Variants in ATF2 observed in about 807,000 individuals in gnomAD.
ATF2 encodes the protein activating transcription factor 2.
ATF2 carries 24 observed loss-of-function variants against 60.6 expected under a neutral mutation model. The observed-to-expected ratio is 0.40, with a 90% confidence interval of 0.29 to 0.56. ATF2 has a LOEUF of 0.56. ATF2 is among the 20% of genes least tolerant of loss of function. The pLI is 0.54. For synonymous variants in ATF2, 206 were observed against 215.4 expected, an observed-to-expected ratio of 0.96 and a Z score of 0.38; for missense variants, 433 against 607.7, an observed-to-expected ratio of 0.71 and a Z score of 3.02.
intron 8 of ATF2, chr2:175,114,446 T>C (rs1042199070): frequency 2.6e-5 from 32 of 1,249,332 alleles, no homozygotes; most frequent in South Asian, 1.3e-4. Flanking sequence ...TTGTGTGAAA[T>C]AGCATGAAAA....
intron 1 of ATF2, among the ~76,000 whole-genome samples, chr2:175,166,723 T>C (rs1183759964): frequency 6.6e-6 from 1 of 152,188 alleles, no homozygotes; most frequent in East Asian, 1.9e-4. Context: ...CGGCTGTTAC[T>C]CACAATGATA....
At chr2:175,108,375 T>C (rs1574386027) in intron 10 of ATF2, among the ~76,000 whole-genome samples, 1 of 133,910 alleles carries the variant, frequency 7.5e-6, no homozygotes, top group Non-Finnish European at 1.6e-5. Context: ...AGGTGGGGGG[T>C]CAGCGTCCAC....
At chr2:175,154,236 T>C (rs58508290) in intron 1 of ATF2, among the ~76,000 whole-genome samples, 1 of 121,746 alleles carries the variant, frequency 8.2e-6, no homozygotes, top group African/African-American at 3.4e-5. Flanking sequence ...AAAAAAAAAA[T>C]ATATATATAT....
intron 1 of ATF2, among the ~76,000 whole-genome samples, chr2:175,158,066 A>G (rs1016425773): frequency 6.6e-6 from 1 of 152,066 alleles, no homozygotes; most frequent in Non-Finnish European, 1.5e-5. Flanking sequence ...ACGAACACTC[A>G]GTACATTCAT....
intron 2 of ATF2, among the ~76,000 whole-genome samples, chr2:175,144,196 G>A (rs1338647063): frequency 2.6e-5 from 4 of 152,090 alleles, no homozygotes; most frequent in Non-Finnish European, 5.9e-5. Flanking sequence ...CGGGCACCTC[G>A]TCGTTAGGTT....
intron 1 of ATF2, among the ~76,000 whole-genome samples, chr2:175,157,456 T>A (rs574814850): frequency 2.6e-4 from 40 of 152,180 alleles, no homozygotes; most frequent in Non-Finnish European, 4.7e-4. Flanking sequence ...CATTGGAAAC[T>A]GAGGCCATCT....
chr2:175,150,552 A>G (rs1699243401), intron 2 of ATF2, among the ~76,000 whole-genome samples: 2 of 152,190 alleles, frequency 1.3e-5, no homozygotes, highest in Admixed American at 1.3e-4. Flanking sequence ...ATAACTTCCA[A>G]TTAACGTTTC....
At chr2:175,093,395 G>A (rs1002229720) in intron 11 of ATF2, 128 bp from the exon 12 acceptor site, 58 of 877,680 alleles carry the variant, frequency 6.6e-5, no homozygotes, top group African/African-American at 5.8e-4. Context: ...TCAGTATGTT[G>A]GGGCAATATG....
At chr2:175,152,420 G>A (rs1266622998) in intron 1 of ATF2, among the ~76,000 whole-genome samples, 1 of 152,136 alleles carries the variant, frequency 6.6e-6, no homozygotes, top group African/African-American at 2.4e-5. Context: ...TGACTGCTCA[G>A]AATCATTATG....
Position 175,112,524 on chromosome 2 carries a change from T to C in ATF2, c.742-870A>G, listed in dbSNP as rs374515683. On this transcript the variant is annotated intron_variant, in intron 9 of 13. Coordinates refer to ENST00000264110, the MANE Select transcript of ATF2 (RefSeq NM_001880.4). ...CAAACATTAATCCTAGTAATATTCT[T>C]GGGGGTAATCTCACCGAAAGTGTTG... Among the ~76,000 whole-genome samples the C allele has an allele frequency of 3.2e-4, 48 of 152,328 alleles. 4 individuals are homozygous for C. The highest frequency in any genetic ancestry group is 2.9e-3 in the East Asian group (15 of 5,194).
Position 175,151,063 on chromosome 2 carries a change from T to C in ATF2, c.-47A>G, listed in dbSNP as rs1223932874. ...TTAAAAGCTTAAAATCTCTTACCTT[T>C]CTAGCTGGTGGGCCATGAGCTTTAT... On this transcript the variant is annotated 5_prime_UTR_variant, in exon 2 of 14. Transcript: ENST00000264110. 6.6e-6 allele frequency: 1 copy of C among 152,548 alleles called. No homozygotes were observed. Among genetic ancestry groups the C allele is most frequent in the African/African-American group, 2.4e-5 (1 of 41,444 alleles). The allele number at this position is 152,548 out of a possible 1,614,324, so 9.4% of individuals were successfully genotyped here.
intron 2 of ATF2, among the ~76,000 whole-genome samples, chr2:175,140,685 GTT>G (rs1698441349): frequency 7.3e-6 from 1 of 137,514 alleles, no homozygotes; most frequent in South Asian, 2.2e-4. Flanking sequence ...ACCTTGAACT[GTT>G]TGAAAAATAA....
chr2:175,104,630 A>C (rs1208040926), intron 10 of ATF2, among the ~76,000 whole-genome samples: 1 of 152,196 alleles, frequency 6.6e-6, no homozygotes, highest in Non-Finnish European at 1.5e-5. Flanking sequence ...TTATCTGGTC[A>C]TTAAGAAAGC....
At chr2:175,097,737 T>A in intron 10 of ATF2, 144 bp from the exon 11 acceptor site, 1 of 860,934 alleles carries the variant, frequency 1.2e-6, no homozygotes, top group Non-Finnish European at 1.7e-6. Context: ...TTGCTGTTCC[T>A]AGTGAATTTT....
At chr2:175,164,080 G>A (rs1202264192) in intron 1 of ATF2, among the ~76,000 whole-genome samples, 1 of 149,404 alleles carries the variant, frequency 6.7e-6, no homozygotes, top group East Asian at 1.9e-4. Context: ...AGGCCCGGGT[G>A]CAGTGGCTCA....
intron 11 of ATF2, among the ~76,000 whole-genome samples, chr2:175,096,328 C>G (rs1239515945): frequency 6.6e-6 from 1 of 152,120 alleles, no homozygotes; most frequent in East Asian, 1.9e-4. Flanking sequence ...GTATAAATAG[C>G]TGCCATAAAG....
At chr2:175,163,918 C>CAAAAAAAA (rs1176905315) in intron 1 of ATF2, among the ~76,000 whole-genome samples, 475 of 30,292 alleles carry the variant, frequency 0.016, 43 homozygotes, top group East Asian at 0.056. Context: ...AACTCCGTCT[C>CAAAAAAAA]AAAAAAAAAA....
intron 4 of ATF2, among the ~76,000 whole-genome samples, chr2:175,124,658 GTC>G (rs1209213132): frequency 2.0e-5 from 3 of 151,598 alleles, no homozygotes; most frequent in Non-Finnish European, 4.4e-5. Flanking sequence ...TATATTCACT[GTC>G]TCTCTCATGC....
chr2:175,155,382 C>G (rs951099885), intron 1 of ATF2, among the ~76,000 whole-genome samples: 5 of 152,188 alleles, frequency 3.3e-5, no homozygotes, highest in Admixed American at 6.5e-5. Context: ...TTCTGGCTTT[C>G]CCTGTCTTAC....
Sources: gnomAD v4.1 joint callset for allele counts (sites outside exome capture counted in the v4.1 genomes callset) on GRCh38, gnomAD v4.1.1 for gene constraint, MANE v1.5 for transcripts, NCBI Gene and HGNC (gene_info 2026-07-23, HGNC 2026-07-21) for gene names.